ZNF786: variants seen among roughly 807,000 people sequenced by gnomAD.
The protein encoded by ZNF786 is zinc finger protein 786.
ZNF786 carries 56 observed loss-of-function variants against 63.1 expected under a neutral mutation model. That is an observed-to-expected ratio of 0.89 (90% confidence interval 0.72 to 1.11). ZNF786 has a LOEUF of 1.11. Ranked by LOEUF, ZNF786 falls within the 50% of genes least tolerant of loss-of-function variation. ZNF786 has a pLI of 0.00. For synonymous variants in ZNF786, 485 were observed against 406.9 expected (o/e 1.19, Z -2.31); for missense variants, 1,213 against 1,041.8 (o/e 1.16, Z -2.26).
intron 1 of ZNF786, among the ~76,000 whole-genome samples, chr7:149,090,030 T>A (rs1031721919): frequency 1.3e-5 from 2 of 152,182 alleles, no homozygotes; most frequent in African/African-American, 4.8e-5. Flanking sequence ...CATTTAATAA[T>A]CAGCAAAAAT....
chr7:149,075,220 A>G (rs1051617756), intron 2 of ZNF786, among the ~76,000 whole-genome samples: 3 of 152,170 alleles, frequency 2.0e-5, no homozygotes, highest in Non-Finnish European at 4.4e-5. Context: ...GTCAAAAAGG[A>G]GTTTTTAAAA....
At position 149,071,382 on chromosome 7, in the gene ZNF786, G is replaced by A. The variant is rs1228659383; in HGVS notation, c.1390C>T (p.Gln464Ter). The A allele has an allele frequency of 1.2e-6, 2 of 1,613,192 alleles. No individual in the cohort carries two copies. The highest frequency in any genetic ancestry group is 1.7e-6 in the Non-Finnish European group (2 of 1,179,770). ...TGGTGCCGCAGCAGCTGTCCCCTCTGACGGAAGTTCCTGCCACACTTGGCA... is the reference window on the plus strand; with the variant it reads ...TGGTGCCGCAGCAGCTGTCCCCTCTAACGGAAGTTCCTGCCACACTTGGCA... ...RCAKCGRNFRQRGQLLRHQRL... is the reference protein window; with the variant it reads ...RCAKCGRNFR Residue 464 changes from glutamine (Q) to a stop codon, truncating the protein, a stop_gained, in exon 4 of 4, where the codon CAG becomes TAG. Coordinates refer to ENST00000491431, the MANE Select transcript of ZNF786 (RefSeq NM_152411.4). LOFTEE classifies it high-confidence loss of function.
At position 149,074,350 on chromosome 7, in the gene ZNF786, G is replaced by A. The variant is rs771642575; in HGVS notation, c.298+36C>T. On this transcript the variant is annotated intron_variant, in intron 3 of 3. Transcript: ENST00000491431. ...GAAGAGAAACAAATCTGAACATGAT[G>A]TCTCAAGGTCGGGGCCCTGATTTCT... 1.2e-5 allele frequency: 20 copies of A among 1,607,976 alleles called. No homozygotes were observed. In the Admixed American group the frequency reaches 2.5e-4, roughly 20 times the overall value.
chr7:149,075,922 G>A (rs929004734), intron 2 of ZNF786, among the ~76,000 whole-genome samples: 2 of 151,518 alleles, frequency 1.3e-5, no homozygotes, highest in African/African-American at 2.4e-5. Context: ...CTCAGCCTCC[G>A]AAAGTGCTGG....
chr7:149,079,731 C>A (rs988233243), intron 2 of ZNF786, among the ~76,000 whole-genome samples: 1 of 150,284 alleles, frequency 6.7e-6, no homozygotes, highest in African/African-American at 2.4e-5. Context: ...CTACCACGCC[C>A]AGCTAATTTT....
chr7:149,081,222 G>C (rs1014159379), intron 1 of ZNF786: 2 of 452,618 alleles, frequency 4.4e-6, no homozygotes, highest in African/African-American at 4.0e-5. Flanking sequence ...CAGATCACGA[G>C]GTCAGGAGTT....
Position 149,070,770 on chromosome 7 carries a change from T to G in ZNF786, c.2002A>C (p.Arg668=). The change falls in exon 4 of 4, where the codon AGA becomes CGA. Residue 668 remains arginine (R), a synonymous_variant. Coordinates refer to ENST00000491431, the MANE Select transcript of ZNF786 (RefSeq NM_152411.4). ...AAAGGCTTCTCTCCCGTGTGCGTTCTGATGTGCTCGATGAGCTTTGAGTGT... is the reference window on the plus strand; with the variant it reads ...AAAGGCTTCTCTCCCGTGTGCGTTCGGATGTGCTCGATGAGCTTTGAGTGT... ...VKHSKLIEHI[R]THTGEKPFQC... 3.1e-6 allele frequency: 5 copies of G among 1,613,678 alleles called. No homozygotes were observed. The highest frequency in any genetic ancestry group is 4.2e-6 in the Non-Finnish European group (5 of 1,179,916).
At chr7:149,090,033 G>A (rs1342963260) in intron 1 of ZNF786, among the ~76,000 whole-genome samples, 1 of 152,116 alleles carries the variant, frequency 6.6e-6, no homozygotes, top group East Asian at 1.9e-4. Context: ...TTAATAATCA[G>A]CAAAAATCCT....
intron 1 of ZNF786, among the ~76,000 whole-genome samples, chr7:149,084,777 T>G (rs1300338583): frequency 1.3e-5 from 2 of 152,200 alleles, no homozygotes; most frequent in Non-Finnish European, 2.9e-5. Context: ...TTTTGCTGCA[T>G]AGAAGCTCCT....
At chr7:149,076,667 C>T (rs1032859455) in intron 2 of ZNF786, among the ~76,000 whole-genome samples, 12 of 147,870 alleles carry the variant, frequency 8.1e-5, no homozygotes, top group African/African-American at 2.3e-4. Flanking sequence ...TGTGGTGAGC[C>T]GAGATCGCGC....
chr7:149,082,636 A>G (rs1326269922), intron 1 of ZNF786: 1 of 214,464 alleles, frequency 4.7e-6, no homozygotes, highest in Non-Finnish European at 8.0e-6. Flanking sequence ...GCTGGAGTGC[A>G]GTGGCGTGAT....
At chr7:149,088,170 T>C (rs1825767896) in intron 1 of ZNF786, among the ~76,000 whole-genome samples, 1 of 152,006 alleles carries the variant, frequency 6.6e-6, no homozygotes, top group African/African-American at 2.4e-5. Context: ...GTCCAGCTAA[T>C]TTTTTTATTT....
chr7:149,076,378 G>C (rs1379409276), intron 2 of ZNF786, among the ~76,000 whole-genome samples: 1 of 149,866 alleles, frequency 6.7e-6, no homozygotes, highest in African/African-American at 2.4e-5. Flanking sequence ...GCCTCCCAAA[G>C]TGCTGGGATT....
Position 149,071,627 on chromosome 7 carries a change from G to C in ZNF786, c.1145C>G (p.Ala382Gly). ...CGCCCTGCAGGGGCTGGCGAGCCTGGCGCTCATAGGGGAGCGCTCGCCACA... is the reference window on the plus strand; with the variant it reads ...CGCCCTGCAGGGGCTGGCGAGCCTGCCGCTCATAGGGGAGCGCTCGCCACA... ...SECGERSPMSARLASPCRAHT... is the reference protein window; with the variant it reads ...SECGERSPMSGRLASPCRAHT... Residue 382 changes from alanine (A) to glycine (G), a missense_variant, in exon 4 of 4, where the codon GCC becomes GGC. Coordinates refer to ENST00000491431, the MANE Select transcript of ZNF786 (RefSeq NM_152411.4). 6.3e-7 allele frequency: 1 copy of C among 1,585,616 alleles called. No individual in the cohort carries two copies. The highest frequency in any genetic ancestry group is 8.6e-7 in the Non-Finnish European group (1 of 1,169,016).
At position 149,078,274 on chromosome 7, in the gene ZNF786, T is replaced by G. The variant is rs952483774; in HGVS notation, c.145+2317A>C. ...TGGCACAGGGTTAATGGCATAGAAT[T>G]ATATTTTTGCCTCTATAGATTCATT... On this transcript the variant is annotated intron_variant, in intron 2 of 3. Coordinates refer to ENST00000491431, the MANE Select transcript of ZNF786 (RefSeq NM_152411.4). Among the ~76,000 whole-genome samples, 6 of 152,330 alleles carry G rather than the reference T, an allele frequency of 3.9e-5. No homozygotes were observed. The South Asian group carries it at 1.2e-3, about 32-fold the overall frequency.
At chr7:149,078,632 C>G (rs1022546472) in intron 2 of ZNF786, among the ~76,000 whole-genome samples, 1 of 151,692 alleles carries the variant, frequency 6.6e-6, no homozygotes, top group Admixed American at 6.6e-5. Context: ...TGCGGTGAGC[C>G]GACATGGTGC....
At chr7:149,089,080 T>C (rs890391602) in intron 1 of ZNF786, among the ~76,000 whole-genome samples, 2 of 148,676 alleles carry the variant, frequency 1.3e-5, no homozygotes, top group Non-Finnish European at 3.0e-5. Flanking sequence ...CCCGAGCAGC[T>C]GGGACTACAG....
Position 149,084,766 on chromosome 7 carries a change from C to T in ZNF786, c.19-4049G>A, listed in dbSNP as rs1202628765. On this transcript the variant is annotated intron_variant, in intron 1 of 3. Transcript: ENST00000491431. ...TGTCTGTTTACTCTGCTGATAGCTT[C>T]TTTTGCTGCATAGAAGCTCCTTAGT... Among the ~76,000 whole-genome samples the T allele has an allele frequency of 3.3e-5, 5 of 152,280 alleles. No homozygotes were observed. The East Asian group carries it at 9.6e-4, about 29-fold the overall frequency.
chr7:149,073,755 A>ATATATATATATATATG (rs1563137503), intron 3 of ZNF786, among the ~76,000 whole-genome samples: 18 of 72,452 alleles, frequency 2.5e-4, no homozygotes, highest in African/African-American at 7.9e-4. Flanking sequence ...GTGTATATAT[A>ATATATATATATATATG]TATATATATA....
Sources: allele counts gnomAD v4.1 joint callset (sites outside exome capture counted in the v4.1 genomes callset), GRCh38; gene constraint gnomAD v4.1.1; transcripts MANE v1.5; gene names NCBI Gene and HGNC (gene_info 2026-07-23, HGNC 2026-07-21).